The following DDX42 variants were observed in gnomAD, a reference collection of about 807,000 sequenced individuals.
DDX42 encodes ATP-dependent RNA helicase DDX42.
A neutral mutation model predicts 101.5 loss-of-function variants in DDX42; 22 were observed. The observed-to-expected ratio is 0.22, with a 90% confidence interval of 0.15 to 0.31. DDX42 has a LOEUF of 0.31. Ranked by LOEUF, DDX42 falls within the 10% of genes least tolerant of loss-of-function variation. DDX42 has a pLI of 1.00. For synonymous variants in DDX42, 402 were observed against 401.2 expected (o/e 1.00, Z -0.02); for missense variants, 849 against 1,199.9 (o/e 0.71, Z 4.32).
At chr17:63,781,647 T>C (rs2039489344) in intron 1 of DDX42, among the ~76,000 whole-genome samples, 1 of 152,178 alleles carries the variant, frequency 6.6e-6, no homozygotes, top group Admixed American at 6.6e-5. Flanking sequence ...CCCCAATCCC[T>C]GTTCCATCTG....
Position 63,815,661 on chromosome 17 carries a change from C to T in DDX42, c.2001C>T (p.Gly667=). 2 of 1,613,002 alleles carry T rather than the reference C, an allele frequency of 1.2e-6. No homozygotes were observed. Among genetic ancestry groups the T allele is most frequent in the Non-Finnish European group, 1.7e-6 (2 of 1,179,194 alleles). ...GLGYRERPGL[G]SENMDRGNNN... is the part of the protein sequence containing the mutation. ...GCTACAGGGAGCGGCCTGGCCTGGG[C>T]TCTGAGAACATGGTGAGTCTAGACT... Residue 667 remains glycine (G), a synonymous_variant, in exon 16 of 18, where the codon GGC becomes GGT. Transcript: ENST00000389924.
At chr17:63,791,608 G>GC (rs766907439) in intron 2 of DDX42, among the ~76,000 whole-genome samples, 6 of 152,146 alleles carry the variant, frequency 3.9e-5, no homozygotes, top group Admixed American at 6.6e-5. Flanking sequence ...ACCACGCCTG[G>GC]CCTGAACATT....
intron 8 of DDX42, 81 bp from the exon 9 acceptor site, chr17:63,807,643 C>CATTT: frequency 1.5e-6 from 2 of 1,317,682 alleles, no homozygotes; most frequent in South Asian, 2.8e-5. Flanking sequence ...TGTTAGTAGT[C>CATTT]ATTTATCATT....
At chr17:63,800,816 A>T (rs764536989) in intron 6 of DDX42, among the ~76,000 whole-genome samples, 199 bp downstream of exon 6, 8 of 152,246 alleles carry the variant, frequency 5.3e-5, no homozygotes, top group Non-Finnish European at 8.8e-5. Flanking sequence ...AATCACTTAC[A>T]TTTGACTTTA....
chr17:63,817,150 A>T lies in DDX42; in HGVS notation c.2112+184A>T. The T allele has an allele frequency of 2.5e-5, 14 of 569,548 alleles. 1 individual carries two copies. In the South Asian group the frequency reaches 2.9e-4, roughly 12 times the overall value. 35.3% of individuals were successfully genotyped at this position (569,548 alleles called of 1,614,324 possible). A position where few individuals can be genotyped will look rare whatever the true frequency, so the allele number is the denominator to read the frequency against. Reference sequence around the variant, plus strand: ...TAGTTGGAAATGCAAGTTGATCTAGAGAACCCCTTGTGCTGGTCTACTTTG... The same window carrying T: ...TAGTTGGAAATGCAAGTTGATCTAGTGAACCCCTTGTGCTGGTCTACTTTG... On this transcript the variant is annotated intron_variant, in intron 17 of 17. Transcript: ENST00000389924.
chr17:63,777,305 T>C (rs1188460454), intron 1 of DDX42, among the ~76,000 whole-genome samples: 1 of 152,188 alleles, frequency 6.6e-6, no homozygotes, highest in Non-Finnish European at 1.5e-5. Context: ...TTTAGTCTTT[T>C]ACATATTGAA....
At chr17:63,807,682 G>A in intron 8 of DDX42, 42 bp from the exon 9 acceptor site, 3 of 1,570,176 alleles carry the variant, frequency 1.9e-6, no homozygotes, top group African/African-American at 1.4e-5. Flanking sequence ...TACATCTTTA[G>A]AATTGAAATT....
In DDX42 at chr17:63,778,216, A is replaced by C. The variant is rs566739103; in HGVS notation, c.-17+3840A>C. 7.9e-5 allele frequency among the ~76,000 whole-genome samples: 12 copies of C among 152,194 alleles called. No individual in the cohort carries two copies. In the South Asian group the frequency reaches 2.5e-3, roughly 32 times the overall value. On this transcript the variant is annotated intron_variant, in intron 1 of 17. Coordinates refer to ENST00000389924, the MANE Select transcript of DDX42 (RefSeq NM_203499.3). The stretch of plus-strand genomic sequence containing the variant: ...TCTTTTCACTGTGTGTCTCACTATT[A>C]CTTCATCATTTTATGCTTTACTAAA...
chr17:63,786,813 G>A (rs1399682307), intron 1 of DDX42, among the ~76,000 whole-genome samples: 1 of 152,194 alleles, frequency 6.6e-6, no homozygotes, highest in Non-Finnish European at 1.5e-5. Context: ...AAGTAGCTGG[G>A]ACCACAGGCA....
intron 6 of DDX42, among the ~76,000 whole-genome samples, chr17:63,800,907 CT>C (rs2039756597): frequency 5.4e-5 from 1 of 18,682 alleles, no homozygotes; most frequent in African/African-American, 1.0e-3. Context: ...CTCTTTCTTT[CT>C]TTTCTTTCCT....
rs540755867 is a variant in DDX42 at position 63,791,085 on chromosome 17, T to C, written c.222-1327T>C. On this transcript the variant is annotated intron_variant, in intron 2 of 17. Coordinates refer to ENST00000389924, the MANE Select transcript of DDX42 (RefSeq NM_203499.3). ...ATTCCTAGGAAGACTTGAAATGCTT[T>C]AACTTTTTAAACTGCAGTTATTTAT... Among the ~76,000 whole-genome samples the C allele has an allele frequency of 2.0e-5, 3 of 152,356 alleles. No individual in the cohort carries two copies. In the East Asian group the frequency reaches 5.8e-4, roughly 29 times the overall value.
chr17:63,797,033 T>C (rs2039701603), intron 3 of DDX42, among the ~76,000 whole-genome samples: 3 of 152,176 alleles, frequency 2.0e-5, no homozygotes, highest in African/African-American at 4.8e-5. Flanking sequence ...TTAACTCTTC[T>C]GACCTTGATT....
At chr17:63,788,979 C>T (rs759824416) in intron 2 of DDX42, among the ~76,000 whole-genome samples, 9 of 152,046 alleles carry the variant, frequency 5.9e-5, no homozygotes, top group Non-Finnish European at 8.8e-5. Context: ...ACTGCAGTCT[C>T]GACCTCCCAG....
intron 1 of DDX42, among the ~76,000 whole-genome samples, chr17:63,784,050 T>G (rs1398684307): frequency 6.6e-6 from 1 of 151,670 alleles, no homozygotes; most frequent in Non-Finnish European, 1.5e-5. Context: ...GGAGGCAGAG[T>G]GAAACTCTGT....
chr17:63,808,090 GA>G (rs1321330935), intron 9 of DDX42, among the ~76,000 whole-genome samples, 190 bp downstream of exon 9: 1 of 152,142 alleles, frequency 6.6e-6, no homozygotes, highest in Non-Finnish European at 1.5e-5. Context: ...GTGCTACCAG[GA>G]AACTTTTGGA....
chr17:63,790,800 G>A (rs1375627605), intron 2 of DDX42, among the ~76,000 whole-genome samples: 5 of 151,812 alleles, frequency 3.3e-5, no homozygotes, highest in Non-Finnish European at 7.4e-5. Context: ...GTGCAGTGGC[G>A]TGCACCTGTA....
rs1227893840 is a variant in DDX42, at chr17:63,807,783, G to C, written c.906G>C (p.Gly302=). Residue 302 remains glycine, a synonymous_variant, in exon 9 of 18, where the codon GGG becomes GGC. Transcript: ENST00000389924. ...TTGGTATTGCCAAAACAGGTAGTGG[G>C]AAAACTGCAGCCTTCATTTGGCCCA... ...DMIGIAKTGS[G]KTAAFIWPML... The C allele has an allele frequency of 1.9e-6, 3 of 1,614,094 alleles. No individual in the cohort carries two copies. The South Asian group carries it at 3.3e-5, about 18-fold the overall frequency.
intron 2 of DDX42, among the ~76,000 whole-genome samples, chr17:63,791,924 G>A (rs892902524): frequency 6.6e-6 from 1 of 152,100 alleles, no homozygotes. Context: ...GCAGGTGCCT[G>A]TGATCCCAGC....
At chr17:63,808,419 T>C (rs893496963) in intron 9 of DDX42, among the ~76,000 whole-genome samples, 6 of 152,052 alleles carry the variant, frequency 3.9e-5, no homozygotes, top group Non-Finnish European at 7.4e-5. Flanking sequence ...AGTGATCTGC[T>C]TGCCTTGGCC....
Sources: allele counts gnomAD v4.1 joint callset (sites outside exome capture counted in the v4.1 genomes callset), GRCh38; gene constraint gnomAD v4.1.1; transcripts MANE v1.5; gene names NCBI Gene and HGNC (gene_info 2026-07-23, HGNC 2026-07-21).